The following CSMD3 variants were observed in gnomAD, a reference collection of about 807,000 sequenced individuals.
The protein encoded by CSMD3 is CUB and Sushi multiple domains 3.
Under a neutral mutation model 435.2 loss-of-function variants are expected in CSMD3, and 177 were observed. That is an observed-to-expected ratio of 0.41 (90% CI 0.36 to 0.46). The LOEUF is 0.46. Ranked by LOEUF, CSMD3 falls within the 20% of genes least tolerant of loss-of-function variation. The probability of loss-of-function intolerance (pLI) is 0.34; values close to 1 mark genes in which losing one functional copy is unlikely to be tolerated. For missense variants in CSMD3, 4,265 were observed against 4,504.6 expected (o/e 0.95, Z 1.52); for synonymous variants, 1,656 against 1,520.5 (o/e 1.09, Z -2.07).
intron 6 of CSMD3, among the ~76,000 whole-genome samples, chr8:112,991,722 T>C (rs1021834340): frequency 6.6e-6 from 1 of 151,844 alleles, no homozygotes; most frequent in African/African-American, 2.4e-5. Flanking sequence ...GACACAAAAA[T>C]ATTATTATGT....
rs1025370439 is a variant in CSMD3, at chr8:112,525,784, G to GTATA, written c.4565-8563_4565-8560dup. On this transcript the variant is annotated intron_variant, in intron 27 of 70. Coordinates refer to ENST00000297405, the MANE Select transcript of CSMD3 (RefSeq NM_198123.2). ...TATATATATATATTTATATGTGTGT[G>GTATA]TATATATATATGTATATATATATAT... Among the ~76,000 whole-genome samples, 21 of 129,462 alleles carry GTATA rather than the reference G, an allele frequency of 1.6e-4. 1 individual carries two copies. In the South Asian group the frequency reaches 3.1e-3, roughly 19 times the overall value. 84.9% of individuals were successfully genotyped at this position (129,462 alleles called of 152,430 possible).
At chr8:112,249,382 T>C (rs915989196) in intron 63 of CSMD3, among the ~76,000 whole-genome samples, 1 of 152,000 alleles carries the variant, frequency 6.6e-6, no homozygotes, top group Admixed American at 6.6e-5. Flanking sequence ...AGTACCCCCC[T>C]CCAGAGTTTC....
chr8:112,476,326 G>A (rs62516484), intron 31 of CSMD3, among the ~76,000 whole-genome samples: 28,164 of 152,062 alleles, frequency 0.19, 3,202 homozygotes, highest in Middle Eastern at 0.36. Context: ...GATTATAGGC[G>A]GGAGCCACCA....
chr8:112,269,433 C>A (rs1026018001), intron 59 of CSMD3, among the ~76,000 whole-genome samples: 1 of 152,094 alleles, frequency 6.6e-6, no homozygotes, highest in African/African-American at 2.4e-5. Context: ...TCCTTTTGGA[C>A]GCAGAAGTCC....
At chr8:112,775,261 C>T (rs1466009690) in intron 13 of CSMD3, among the ~76,000 whole-genome samples, 2 of 151,580 alleles carry the variant, frequency 1.3e-5, no homozygotes, top group East Asian at 1.9e-4. Context: ...TTTATTTGTT[C>T]ATATCCATGT....
intron 5 of CSMD3, among the ~76,000 whole-genome samples, chr8:113,037,057 C>T (rs563646640): frequency 6.6e-6 from 1 of 151,908 alleles, no homozygotes; most frequent in East Asian, 1.9e-4. Context: ...ATGCACTATG[C>T]AATGAAGTAG....
intron 1 of CSMD3, among the ~76,000 whole-genome samples, chr8:113,375,583 T>G (rs891416785): frequency 2.0e-5 from 3 of 151,004 alleles, no homozygotes; most frequent in African/African-American, 4.9e-5. Flanking sequence ...TATCAATACT[T>G]TACGAACAGC....
intron 27 of CSMD3, among the ~76,000 whole-genome samples, chr8:112,547,263 T>C (rs1248878445): frequency 6.6e-6 from 1 of 152,158 alleles, no homozygotes; most frequent in Non-Finnish European, 1.5e-5. Context: ...ACAAAATATG[T>C]GTTTTATATA....
chr8:112,726,165 G>C (rs1400739622), intron 13 of CSMD3, among the ~76,000 whole-genome samples: 1 of 151,968 alleles, frequency 6.6e-6, no homozygotes, highest in Non-Finnish European at 1.5e-5. Context: ...CCAATCCTAT[G>C]ATTCAATTAC....
intron 3 of CSMD3, among the ~76,000 whole-genome samples, chr8:113,263,202 C>G (rs1347492223): frequency 1.3e-5 from 2 of 151,648 alleles, no homozygotes; most frequent in Non-Finnish European, 2.9e-5. Flanking sequence ...GTGAAAGAAC[C>G]AAAAATATTG....
intron 32 of CSMD3, among the ~76,000 whole-genome samples, chr8:112,428,000 A>T (rs1813259939): frequency 6.6e-6 from 1 of 152,148 alleles, no homozygotes; most frequent in African/African-American, 2.4e-5. Context: ...TTGCTGTGGA[A>T]TTGAGCAGAT....
intron 22 of CSMD3, among the ~76,000 whole-genome samples, chr8:112,632,552 G>C (rs1202043247): frequency 6.6e-6 from 1 of 151,972 alleles, no homozygotes; most frequent in Non-Finnish European, 1.5e-5. Context: ...TATTTAACTT[G>C]CTAATCTACT....
At chr8:112,299,989 A>G (rs1820754032) in intron 53 of CSMD3, among the ~76,000 whole-genome samples, 2 of 151,136 alleles carry the variant, frequency 1.3e-5, no homozygotes, top group South Asian at 2.1e-4. Context: ...TAAATAATAT[A>G]TAATACACAA....
intron 47 of CSMD3, among the ~76,000 whole-genome samples, chr8:112,318,375 C>A (rs532704931): frequency 1.3e-5 from 2 of 152,106 alleles, no homozygotes; most frequent in South Asian, 4.1e-4. Context: ...GCTTCCACAG[C>A]GAGGGCCACT....
At chr8:113,055,243 T>G (rs1287597551) in intron 5 of CSMD3, among the ~76,000 whole-genome samples, 1 of 152,138 alleles carries the variant, frequency 6.6e-6, no homozygotes, top group East Asian at 1.9e-4. Flanking sequence ...CTCCACCTCC[T>G]GCGTTCAAGC....
At chr8:112,800,809 T>C (rs2078943516) in intron 12 of CSMD3, among the ~76,000 whole-genome samples, 1 of 152,038 alleles carries the variant, frequency 6.6e-6, no homozygotes, top group African/African-American at 2.4e-5. Context: ...CTGTAAATAG[T>C]TTTATTTAAA....
intron 5 of CSMD3, among the ~76,000 whole-genome samples, chr8:113,084,140 C>G (rs2019694): frequency 2.2e-3 from 334 of 152,118 alleles, no homozygotes; most frequent in African/African-American, 7.7e-3. Context: ...TAAAAGGCAT[C>G]CAAATTACAA....
intron 35 of CSMD3, among the ~76,000 whole-genome samples, chr8:112,391,426 A>G (rs994048166): frequency 2.0e-5 from 3 of 152,162 alleles, no homozygotes; most frequent in Non-Finnish European, 2.9e-5. Context: ...GGCCAGGTGC[A>G]GTGGCTCACG....
At chr8:112,726,941 G>C (rs550480856) in intron 13 of CSMD3, among the ~76,000 whole-genome samples, 2 of 151,590 alleles carry the variant, frequency 1.3e-5, no homozygotes, top group African/African-American at 4.8e-5. Context: ...ACTGATTAAA[G>C]CTCATTTTAT....
Sources: allele counts gnomAD v4.1 joint callset (sites outside exome capture counted in the v4.1 genomes callset), GRCh38; gene constraint gnomAD v4.1.1; transcripts MANE v1.5; gene names NCBI Gene and HGNC (gene_info 2026-07-23, HGNC 2026-07-21).